CADM2: variants seen among roughly 807,000 people sequenced by gnomAD.
CADM2 encodes immunoglobulin superfamily member 4D.
A neutral mutation model predicts 49.8 loss-of-function variants in CADM2; 12 were observed. The ratio of observed to expected loss-of-function variants is 0.24; its 90% CI spans 0.15 to 0.39. The LOEUF (loss-of-function observed/expected upper bound fraction) is 0.39. Among genes scored for constraint, CADM2 ranks in the 10% least tolerant of loss-of-function variants. CADM2 has a pLI of 1.00. For missense variants in CADM2, 378 were observed against 492.3 expected (o/e 0.77, Z 2.20); for synonymous variants, 214 against 175.4 (o/e 1.22, Z -1.74).
chr3:85,020,416 C>G (rs1163619576), intron 1 of CADM2, among the ~76,000 whole-genome samples: 1 of 152,018 alleles, frequency 6.6e-6, no homozygotes, highest in Non-Finnish European at 1.5e-5. Context: ...ACATCAGCAA[C>G]AAGTCATGAG....
intron 2 of CADM2, among the ~76,000 whole-genome samples, chr3:85,728,609 A>G (rs1288622951): frequency 6.6e-6 from 1 of 152,174 alleles, no homozygotes; most frequent in Non-Finnish European, 1.5e-5. Flanking sequence ...GCTTCAGAAT[A>G]GTTCATTTCT....
At chr3:85,941,393 G>C (rs1375444806) in intron 7 of CADM2, among the ~76,000 whole-genome samples, 1 of 152,050 alleles carries the variant, frequency 6.6e-6, no homozygotes, top group South Asian at 2.1e-4. Context: ...CAGTGGGTCT[G>C]TATTTTCAAA....
chr3:85,683,681 T>C (rs2066104364), intron 1 of CADM2, among the ~76,000 whole-genome samples: 1 of 152,186 alleles, frequency 6.6e-6, no homozygotes, highest in African/African-American at 2.4e-5. Flanking sequence ...TACCCAGGAT[T>C]ATAATGAACC....
At position 85,931,868 on chromosome 3, in the gene CADM2, T is replaced by A. The variant is rs116052887; in HGVS notation, c.701-3899T>A. Among the ~76,000 whole-genome samples the A allele has an allele frequency of 5.4e-3, 817 of 151,720 alleles. 4 individuals are homozygous for A. The highest frequency in any genetic ancestry group is 9.2e-3 in the Admixed American group (140 of 15,242). On this transcript the variant is annotated intron_variant, in intron 6 of 9. Transcript: ENST00000383699. ...AGGACTTAAATTTAAAATCATTAAA[T>A]TTTAAAATTTAAAATTATTTTAAAT...
At chr3:85,971,942 G>A (rs1439430057) in intron 8 of CADM2, among the ~76,000 whole-genome samples, 1 of 151,278 alleles carries the variant, frequency 6.6e-6, no homozygotes, top group Admixed American at 6.6e-5. Flanking sequence ...ATTCCATTTA[G>A]TATGAGAAAC....
intron 1 of CADM2, among the ~76,000 whole-genome samples, chr3:85,252,943 C>T (rs943328992): frequency 1.3e-5 from 2 of 151,942 alleles, no homozygotes; most frequent in Non-Finnish European, 2.9e-5. Context: ...TGATTTTATG[C>T]AAGCTCATAT....
chr3:85,396,295 A>T (rs1435870736), intron 1 of CADM2, among the ~76,000 whole-genome samples: 1 of 151,776 alleles, frequency 6.6e-6, no homozygotes, highest in East Asian at 1.9e-4. Flanking sequence ...ATTCATATAT[A>T]ATTATTTTTT....
At chr3:85,345,547 G>A (rs558031516) in intron 1 of CADM2, among the ~76,000 whole-genome samples, 1 of 151,968 alleles carries the variant, frequency 6.6e-6, no homozygotes, top group African/African-American at 2.4e-5. Context: ...TCATCATGTG[G>A]GAACACCCAA....
chr3:85,260,588 C>T (rs2042994451), intron 1 of CADM2, among the ~76,000 whole-genome samples: 1 of 152,062 alleles, frequency 6.6e-6, no homozygotes, highest in African/African-American at 2.4e-5. Flanking sequence ...ATGGTGCCTG[C>T]CAGTGGTTCA....
At chr3:85,127,122 A>G (rs2039061656) in intron 1 of CADM2, among the ~76,000 whole-genome samples, 1 of 152,202 alleles carries the variant, frequency 6.6e-6, no homozygotes, top group African/African-American at 2.4e-5. Flanking sequence ...AAACAAACAT[A>G]TCAATATTGA....
chr3:85,723,954 G>A (rs1358216463), intron 1 of CADM2, among the ~76,000 whole-genome samples: 1 of 151,798 alleles, frequency 6.6e-6, no homozygotes, highest in Non-Finnish European at 1.5e-5. Flanking sequence ...TTGATGCATT[G>A]TAATCTTTCC....
intron 1 of CADM2, among the ~76,000 whole-genome samples, chr3:85,515,830 T>C (rs1446749161): frequency 6.6e-6 from 1 of 151,888 alleles, no homozygotes; most frequent in Non-Finnish European, 1.5e-5. Flanking sequence ...TAAAGTTAAA[T>C]GTATTTAAAT....
Position 85,833,654 on chromosome 3 carries a change from A to G in CADM2, c.238+31458A>G, listed in dbSNP as rs6781927. The stretch of plus-strand genomic sequence containing the variant: ...TGGAGACATCTTTTCCCCATTGTGT[A>G]TTCTTGGTGCCCTTGTCAACGACTA... On this transcript the variant is annotated intron_variant, in intron 3 of 9. Coordinates refer to ENST00000383699, the MANE Select transcript of CADM2 (RefSeq NM_001167675.2). Among the ~76,000 whole-genome samples, 399 of 151,568 alleles carry G rather than the reference A, an allele frequency of 2.6e-3. 1 individual carries two copies. The highest frequency in any genetic ancestry group is 9.3e-3 in the African/African-American group (385 of 41,432).
intron 1 of CADM2, among the ~76,000 whole-genome samples, chr3:85,710,369 A>T (rs1430135311): frequency 6.6e-6 from 1 of 152,066 alleles, no homozygotes; most frequent in East Asian, 1.9e-4. Context: ...TTTTTCCCAG[A>T]CAATAAATTT....
At chr3:85,898,998 C>G (rs1273399617) in intron 5 of CADM2, among the ~76,000 whole-genome samples, 3 of 85,562 alleles carry the variant, frequency 3.5e-5, no homozygotes, top group South Asian at 8.6e-4. Context: ...CGGAGTCTCA[C>G]TCTGTCTCCC....
At chr3:85,684,569 C>T (rs561728277) in intron 1 of CADM2, among the ~76,000 whole-genome samples, 1 of 152,206 alleles carries the variant, frequency 6.6e-6, no homozygotes, top group Admixed American at 6.5e-5. Context: ...TAAAGACATA[C>T]CCGAGACTGG....
intron 1 of CADM2, among the ~76,000 whole-genome samples, chr3:85,635,732 T>C (rs952971213): frequency 3.3e-5 from 5 of 152,120 alleles, no homozygotes; most frequent in African/African-American, 1.2e-4. Flanking sequence ...ATTTATGTAT[T>C]TGTAATGTAT....
chr3:86,028,567 ATCT>A (rs1228618634), intron 8 of CADM2, among the ~76,000 whole-genome samples: 3 of 152,144 alleles, frequency 2.0e-5, no homozygotes, highest in Non-Finnish European at 4.4e-5. Flanking sequence ...TTTAGAGAAA[ATCT>A]TCTCTTTGAA....
At chr3:85,581,818 T>C (rs2062807129) in intron 1 of CADM2, among the ~76,000 whole-genome samples, 1 of 151,588 alleles carries the variant, frequency 6.6e-6, no homozygotes, top group African/African-American at 2.4e-5. Context: ...CTTCGAGTAT[T>C]TATACTTCAA....
Sources: allele counts gnomAD v4.1 joint callset (sites outside exome capture counted in the v4.1 genomes callset), GRCh38; gene constraint gnomAD v4.1.1; transcripts MANE v1.5; gene names NCBI Gene and HGNC (gene_info 2026-07-23, HGNC 2026-07-21).